ZNF804A: variants seen among roughly 807,000 people sequenced by gnomAD.
ZNF804A encodes the protein zinc finger protein 804A.
In ZNF804A, 2 loss-of-function variants were observed where a neutral mutation model predicts 16.5. The observed-to-expected ratio is 0.12, with a 90% CI of 0.05 to 0.38. The LOEUF (loss-of-function observed/expected upper bound fraction) is 0.38. Ranked by LOEUF, ZNF804A falls within the 10% of genes least tolerant of loss-of-function variation. The probability of loss-of-function intolerance (pLI) is 0.99; values close to 1 mark genes in which losing one functional copy is unlikely to be tolerated. For missense variants in ZNF804A, 1,473 were observed against 1,390.7 expected (o/e 1.06, Z -0.94); for synonymous variants, 534 against 489.6 (o/e 1.09, Z -1.20).
intron 1 of ZNF804A, among the ~76,000 whole-genome samples, chr2:184,745,737 G>T (rs542010843): frequency 1.9e-4 from 28 of 151,034 alleles, no homozygotes; most frequent in African/African-American, 6.5e-4. Flanking sequence ...AAAAAAAAAA[G>T]ATTACTTGGA....
chr2:184,810,834 C>T (rs1039050280), intron 1 of ZNF804A, among the ~76,000 whole-genome samples: 1 of 152,028 alleles, frequency 6.6e-6, no homozygotes, highest in Non-Finnish European at 1.5e-5. Context: ...CACTAAAAAC[C>T]ATTCTATTAT....
intron 1 of ZNF804A, among the ~76,000 whole-genome samples, chr2:184,626,513 A>T (rs1269681629): frequency 1.3e-5 from 2 of 152,180 alleles, no homozygotes; most frequent in African/African-American, 2.4e-5. Flanking sequence ...TATGTCCATT[A>T]TATTATAAAT....
intron 1 of ZNF804A, among the ~76,000 whole-genome samples, chr2:184,845,412 A>AT (rs1033506602): frequency 6.6e-6 from 1 of 151,938 alleles, no homozygotes; most frequent in Non-Finnish European, 1.5e-5. Context: ...GTGATATAGA[A>AT]TTTTTTTCTT....
chr2:184,694,121 G>A (rs1001451031), intron 1 of ZNF804A, among the ~76,000 whole-genome samples: 1 of 135,418 alleles, frequency 7.4e-6, no homozygotes, highest in African/African-American at 2.7e-5. Flanking sequence ...TTTTTTTTTT[G>A]TATTTTTAGT....
chr2:184,770,640 A>G (rs1300374213), intron 1 of ZNF804A, among the ~76,000 whole-genome samples: 1 of 150,814 alleles, frequency 6.6e-6, no homozygotes, highest in Non-Finnish European at 1.5e-5. Flanking sequence ...TGGTCTTAGT[A>G]GAGAAAGATA....
chr2:184,775,493 G>T (rs1694272357), intron 1 of ZNF804A, among the ~76,000 whole-genome samples: 1 of 151,648 alleles, frequency 6.6e-6, no homozygotes, highest in Non-Finnish European at 1.5e-5. Context: ...CCATTTCTCG[G>T]TTCTACACTT....
chr2:184,901,825 A>G (rs762501844), intron 2 of ZNF804A, among the ~76,000 whole-genome samples: 9 of 152,034 alleles, frequency 5.9e-5, no homozygotes, highest in Non-Finnish European at 1.0e-4. Context: ...TTAGATAATA[A>G]TAATATTTTT....
intron 1 of ZNF804A, among the ~76,000 whole-genome samples, chr2:184,797,106 G>T (rs1406997463): frequency 6.6e-6 from 1 of 152,146 alleles, no homozygotes; most frequent in Non-Finnish European, 1.5e-5. Flanking sequence ...TTCTGCAGTT[G>T]TTGGATGAAA....
intron 1 of ZNF804A, among the ~76,000 whole-genome samples, chr2:184,679,178 T>C (rs184308142): frequency 4.6e-5 from 7 of 152,294 alleles, no homozygotes; most frequent in Admixed American, 4.6e-4. Flanking sequence ...ATAAATTAGG[T>C]GAAATGTGTT....
At chr2:184,917,419 T>C (rs1035689657) in intron 2 of ZNF804A, among the ~76,000 whole-genome samples, 1 of 152,110 alleles carries the variant, frequency 6.6e-6, no homozygotes, top group African/African-American at 2.4e-5. Flanking sequence ...TGTTATTCAA[T>C]ACATATTATG....
chr2:184,613,226 A>G (rs1341474755), intron 1 of ZNF804A, among the ~76,000 whole-genome samples: 2 of 152,210 alleles, frequency 1.3e-5, no homozygotes, highest in Non-Finnish European at 2.9e-5. Context: ...CAAAACAGAC[A>G]TGCACATGTG....
intron 1 of ZNF804A, among the ~76,000 whole-genome samples, chr2:184,618,586 A>C (rs1006552162): frequency 6.6e-6 from 1 of 152,140 alleles, no homozygotes; most frequent in Non-Finnish European, 1.5e-5. Flanking sequence ...GGATTTTGGT[A>C]TCGCTGGGAT....
chr2:184,747,228 A>G (rs938484525), intron 1 of ZNF804A, among the ~76,000 whole-genome samples: 8 of 150,348 alleles, frequency 5.3e-5, no homozygotes, highest in African/African-American at 1.7e-4. Context: ...ACAGAAATGA[A>G]ATTAAGAAAT....
chr2:184,731,482 G>A (rs1174518818), intron 1 of ZNF804A, among the ~76,000 whole-genome samples: 3 of 150,700 alleles, frequency 2.0e-5, no homozygotes, highest in Admixed American at 6.6e-5. Flanking sequence ...CCCCAGTAAC[G>A]TATGATGTGG....
chr2:184,783,138 G>GATTT (rs748005163), intron 1 of ZNF804A, among the ~76,000 whole-genome samples: 2 of 86,104 alleles, frequency 2.3e-5, no homozygotes, highest in Non-Finnish European at 4.3e-5. Flanking sequence ...AAAAGAGTGA[G>GATTT]TTTTTTTTTT....
At chr2:184,724,669 A>G (rs1693376025) in intron 1 of ZNF804A, among the ~76,000 whole-genome samples, 1 of 151,698 alleles carries the variant, frequency 6.6e-6, no homozygotes, top group Non-Finnish European at 1.5e-5. Flanking sequence ...TGATTCTATA[A>G]GTATGAATAA....
At chr2:184,822,997 G>A (rs897261281) in intron 1 of ZNF804A, among the ~76,000 whole-genome samples, 14 of 152,156 alleles carry the variant, frequency 9.2e-5, no homozygotes, top group East Asian at 1.9e-4. Context: ...ACAAATAGTC[G>A]TTGTCTTAGT....
intron 1 of ZNF804A, among the ~76,000 whole-genome samples, chr2:184,605,243 A>T (rs1319816913): frequency 6.6e-6 from 1 of 152,126 alleles, no homozygotes; most frequent in Admixed American, 6.5e-5. Context: ...AGCAGTTATA[A>T]TCTATGGTGT....
intron 1 of ZNF804A, among the ~76,000 whole-genome samples, chr2:184,695,495 A>G (rs1388668432): frequency 4.0e-5 from 6 of 148,678 alleles, no homozygotes; most frequent in African/African-American, 1.5e-4. Context: ...AAAAAAAAGA[A>G]TGACTTTTTA....
Sources: gnomAD v4.1 joint callset for allele counts (sites outside exome capture counted in the v4.1 genomes callset) on GRCh38, gnomAD v4.1.1 for gene constraint, MANE v1.5 for transcripts, NCBI Gene and HGNC (gene_info 2026-07-23, HGNC 2026-07-21) for gene names.